HUNK: variants seen among roughly 807,000 people sequenced by gnomAD.
The protein encoded by HUNK is hormonally up-regulated Neu-associated kinase.
Under a neutral mutation model 61.0 loss-of-function variants are expected in HUNK, and 21 were observed. The ratio of observed to expected loss-of-function variants is 0.34; its 90% CI spans 0.24 to 0.50. The LOEUF (loss-of-function observed/expected upper bound fraction) is 0.50, where lower values mean the gene tolerates loss of function less well. Ranked by LOEUF, HUNK falls within the 20% of genes least tolerant of loss-of-function variation. The pLI is 0.98. For missense variants in HUNK, 772 were observed against 945.7 expected, an observed-to-expected ratio of 0.82 and a Z score of 2.41; for synonymous variants, 371 against 386.1, an observed-to-expected ratio of 0.96 and a Z score of 0.46.
At chr21:31,994,396 T>A (rs1012254131) in intron 9 of HUNK, among the ~76,000 whole-genome samples, 4 of 152,212 alleles carry the variant, frequency 2.6e-5, no homozygotes, top group African/African-American at 9.6e-5. Context: ...ACTTTGAACA[T>A]CCTTATTAGA....
intron 1 of HUNK, among the ~76,000 whole-genome samples, chr21:31,923,513 G>C (rs1316607070): frequency 6.8e-6 from 1 of 146,346 alleles, no homozygotes; most frequent in Non-Finnish European, 1.5e-5. Flanking sequence ...GAGGGAGAGA[G>C]GGAAGGAGGG....
At chr21:31,998,080 G>A (rs886992995) in intron 10 of HUNK, among the ~76,000 whole-genome samples, 16 of 152,206 alleles carry the variant, frequency 1.1e-4, no homozygotes, top group African/African-American at 3.9e-4. Flanking sequence ...ACCACACCCT[G>A]CTAATTTTTT....
intron 1 of HUNK, among the ~76,000 whole-genome samples, chr21:31,904,117 G>A (rs186964490): frequency 2.4e-4 from 36 of 151,566 alleles, no homozygotes; most frequent in Admixed American, 6.6e-4. Context: ...AATTAGTCTC[G>A]GTTCTCCATC....
chr21:31,885,547 G>T (rs755240929), intron 1 of HUNK, among the ~76,000 whole-genome samples: 54 of 152,278 alleles, frequency 3.5e-4, no homozygotes, highest in Non-Finnish European at 6.6e-4. Context: ...AGGCCTTACT[G>T]TCTCTCATTC....
chr21:31,904,202 T>C (rs73900592), intron 1 of HUNK, among the ~76,000 whole-genome samples: 4,461 of 152,210 alleles, frequency 0.029, 242 homozygotes, highest in African/African-American at 0.1. Flanking sequence ...CAGGAGATTT[T>C]GACATGTATT....
intron 2 of HUNK, among the ~76,000 whole-genome samples, chr21:31,936,908 C>T (rs930903972): frequency 1.3e-5 from 2 of 152,082 alleles, no homozygotes; most frequent in Non-Finnish European, 2.9e-5. Context: ...ACAGTATTTG[C>T]TCTGAACCAA....
rs1568934709 is a variant in HUNK, at chr21:31,958,825, GTA to G, written c.747-16_747-15del. 6.3e-7 allele frequency: 1 copy of G among 1,575,416 alleles called. No individual in the cohort carries two copies. Among genetic ancestry groups the G allele is most frequent in the South Asian group, 1.1e-5 (1 of 87,116 alleles). On this transcript the variant is annotated splice_polypyrimidine_tract_variant and intron_variant, in intron 4 of 10. Transcript: ENST00000270112. Reference sequence around the variant, plus strand: ...AGGGGACCTGACTCCGCTTTCATGTGTATGTCTCTCTTTTCAGAGGTGTGAAC... The same window carrying G: ...AGGGGACCTGACTCCGCTTTCATGTGTGTCTCTCTTTTCAGAGGTGTGAAC...
Position 32,000,783 on chromosome 21 carries a change from C to T in HUNK, c.*1599C>T. The T allele has an allele frequency of 2.5e-6, 1 of 398,624 alleles. No individual in the cohort carries two copies. 24.7% of individuals were successfully genotyped at this position (398,624 alleles called of 1,614,324 possible). Reference sequence around the variant, plus strand: ...TCTCTCATTCACCAGTGGTGACATCCTTCAGTCCCTCACATCTCTGACAGA... The same window carrying T: ...TCTCTCATTCACCAGTGGTGACATCTTTCAGTCCCTCACATCTCTGACAGA... On this transcript the variant is annotated 3_prime_UTR_variant, in exon 11 of 11. Transcript: ENST00000270112.
At chr21:31,967,394 G>C (rs370502943) in intron 5 of HUNK, among the ~76,000 whole-genome samples, 1 of 151,970 alleles carries the variant, frequency 6.6e-6, no homozygotes, top group Non-Finnish European at 1.5e-5. Flanking sequence ...AAAATAAAAG[G>C]CTTCGTGTGC....
chr21:31,946,905 C>T (rs994456669), intron 4 of HUNK, among the ~76,000 whole-genome samples: 2 of 152,240 alleles, frequency 1.3e-5, no homozygotes, highest in Non-Finnish European at 2.9e-5. Context: ...ATGAGCCACG[C>T]GCCCGGCCGT....
intron 4 of HUNK, among the ~76,000 whole-genome samples, chr21:31,949,573 G>T (rs1039886072): frequency 2.1e-5 from 3 of 145,486 alleles, no homozygotes; most frequent in East Asian, 3.9e-4. Flanking sequence ...GGAAGAATTT[G>T]TGCACACACA....
At chr21:31,877,925 C>G (rs545395680) in intron 1 of HUNK, among the ~76,000 whole-genome samples, 3 of 152,040 alleles carry the variant, frequency 2.0e-5, no homozygotes, top group Admixed American at 2.0e-4. Flanking sequence ...TATCATCTGT[C>G]GACAGAATAA....
intron 8 of HUNK, among the ~76,000 whole-genome samples, chr21:31,985,593 G>A (rs2053127301): frequency 6.6e-6 from 1 of 152,220 alleles, no homozygotes; most frequent in African/African-American, 2.4e-5. Context: ...GCAAAGACAG[G>A]GCTGGAGGTG....
chr21:31,953,637 A>G (rs1348742805), intron 4 of HUNK, among the ~76,000 whole-genome samples: 1 of 152,188 alleles, frequency 6.6e-6, no homozygotes, highest in African/African-American at 2.4e-5. Context: ...ACAATTTATC[A>G]AGCTTAATTT....
rs541355521 is a variant in HUNK at position 31,967,229 on chromosome 21, T to C, written c.875-1021T>C. Among the ~76,000 whole-genome samples the C allele has an allele frequency of 6.6e-5, 10 of 152,160 alleles. No homozygotes were observed. The East Asian group carries it at 1.9e-3, about 29-fold the overall frequency. Reference sequence around the variant, plus strand: ...ATCCAGGTGTGACGGTGCATGCCTGTAGTCTCACCTACTTGGAAGGCTGAG... The same window carrying C: ...ATCCAGGTGTGACGGTGCATGCCTGCAGTCTCACCTACTTGGAAGGCTGAG... On this transcript the variant is annotated intron_variant, in intron 5 of 10. Coordinates refer to ENST00000270112, the MANE Select transcript of HUNK (RefSeq NM_014586.2).
chr21:31,964,262 A>G (rs2052948375), intron 5 of HUNK, among the ~76,000 whole-genome samples: 1 of 152,234 alleles, frequency 6.6e-6, no homozygotes, highest in African/African-American at 2.4e-5. Context: ...CACAATGATC[A>G]GATTATCAAA....
chr21:31,918,852 C>G (rs990120191), intron 1 of HUNK, among the ~76,000 whole-genome samples: 5 of 152,222 alleles, frequency 3.3e-5, no homozygotes, highest in African/African-American at 1.2e-4. Flanking sequence ...AGGATGTGGG[C>G]CTATCTTTGG....
rs2053260922 is a variant in HUNK at position 32,003,788 on chromosome 21, G to A, written c.*4604G>A. 1 of 152,172 alleles carries A rather than the reference G, an allele frequency of 6.6e-6. No homozygotes were observed. The highest frequency in any genetic ancestry group is 2.4e-5 in the African/African-American group (1 of 41,428). 9.4% of individuals were successfully genotyped at this position (152,172 alleles called of 1,614,324 possible). ...TTATCTCTAGGAGTTGACGTCTGTGGGCACTAAGGGACTGAGGTTGGGGGA... is the reference window on the plus strand; with the variant it reads ...TTATCTCTAGGAGTTGACGTCTGTGAGCACTAAGGGACTGAGGTTGGGGGA... On this transcript the variant is annotated 3_prime_UTR_variant, in exon 11 of 11. Coordinates refer to ENST00000270112, the MANE Select transcript of HUNK (RefSeq NM_014586.2).
Position 31,925,000 on chromosome 21 carries a change from G to A in HUNK, c.554+240G>A, listed in dbSNP as rs2123816684. ...CAACCTCCGCCTTGTGGGTTCAAGC[G>A]ATTTTCCTGCCTCAGCCACCCAAGT... is the stretch of plus-strand genomic sequence containing the variant. On this transcript the variant is annotated intron_variant, in intron 2 of 10. Transcript: ENST00000270112. This position sits in a 1 kb window ranked among gnomAD's most constrained non-coding sequence, Gnocchi z 5.1. Among the ~76,000 whole-genome samples the A allele has an allele frequency of 6.6e-6, 1 of 152,278 alleles. No individual in the cohort carries two copies. Among genetic ancestry groups the A allele is most frequent in the Non-Finnish European group, 1.5e-5 (1 of 68,016 alleles).
Sources: allele counts gnomAD v4.1 joint callset (sites outside exome capture counted in the v4.1 genomes callset), GRCh38; gene constraint gnomAD v4.1.1; non-coding constraint Gnocchi (gnomAD v3.1); transcripts MANE v1.5; gene names NCBI Gene and HGNC (gene_info 2026-07-23, HGNC 2026-07-21).